The following GALNTL6 variants were observed in gnomAD, a reference collection of about 807,000 sequenced individuals.
GALNTL6 encodes the protein polypeptide N-acetylgalactosaminyltransferase-like 6.
In GALNTL6, 46 loss-of-function variants were observed where a neutral mutation model predicts 73.7. The ratio of observed to expected loss-of-function variants is 0.62; its 90% CI spans 0.49 to 0.80. The LOEUF (loss-of-function observed/expected upper bound fraction) is 0.80. Among genes scored for constraint, GALNTL6 ranks in the 30% least tolerant of loss-of-function variants. The pLI, the probability that GALNTL6 is intolerant of heterozygous loss-of-function variation, is 0.00. For synonymous variants in GALNTL6, 259 were observed against 263.7 expected (o/e 0.98, Z 0.17); for missense variants, 604 against 755.0 (o/e 0.80, Z 2.34).
At chr4:172,287,220 G>A (rs560071663) in intron 3 of GALNTL6, among the ~76,000 whole-genome samples, 2 of 152,300 alleles carry the variant, frequency 1.3e-5, no homozygotes, top group African/African-American at 4.8e-5. Context: ...GAATGGAAGA[G>A]GAATGTATCC....
chr4:172,922,568 C>G (rs763998771), intron 8 of GALNTL6, among the ~76,000 whole-genome samples: 1 of 152,040 alleles, frequency 6.6e-6, no homozygotes, highest in Non-Finnish European at 1.5e-5. Flanking sequence ...AAAAACAACT[C>G]TAAGATTAGA....
rs567555449 is a variant in GALNTL6 at position 172,136,713 on chromosome 4, A to G, written c.139-92943A>G. Among the ~76,000 whole-genome samples, 5 of 151,968 alleles carry G rather than the reference A, an allele frequency of 3.3e-5. No individual in the cohort carries two copies. The South Asian group carries it at 1.0e-3, about 32-fold the overall frequency. On this transcript the variant is annotated intron_variant, in intron 2 of 12. Coordinates refer to ENST00000506823, the MANE Select transcript of GALNTL6 (RefSeq NM_001034845.3). ...AATTATGATCATATAGAATACTTGC[A>G]TATAATTATGCACAGCTCCATATAC...
intron 7 of GALNTL6, among the ~76,000 whole-genome samples, chr4:172,871,759 T>TTTTGTTTGTTTGTTTGTTTGTTTG (rs113501777): frequency 2.0e-5 from 3 of 150,556 alleles, no homozygotes; most frequent in South Asian, 2.1e-4. Context: ...TAGCATAGTT[T>TTTTGTTTGTTTGTTTGTTTGTTTG]TTTGTTTGTT....
intron 2 of GALNTL6, among the ~76,000 whole-genome samples, chr4:171,886,649 C>T (rs539085885): frequency 5.9e-5 from 9 of 152,178 alleles, no homozygotes; most frequent in East Asian, 1.9e-4. Context: ...GTGAAGGACA[C>T]GTGTCATATG....
intron 2 of GALNTL6, among the ~76,000 whole-genome samples, chr4:172,092,249 A>T (rs977534311): frequency 6.6e-6 from 1 of 152,166 alleles, no homozygotes; most frequent in Admixed American, 6.5e-5. Context: ...TCTTACCACA[A>T]TTTTATATAA....
intron 7 of GALNTL6, among the ~76,000 whole-genome samples, chr4:172,831,856 C>T (rs1310030229): frequency 6.6e-6 from 1 of 152,162 alleles, no homozygotes; most frequent in Non-Finnish European, 1.5e-5. Context: ...TGTGAAGACA[C>T]AACAAGACGT....
intron 3 of GALNTL6, among the ~76,000 whole-genome samples, chr4:172,276,515 T>C (rs543018649): frequency 6.6e-6 from 1 of 152,340 alleles, no homozygotes; most frequent in South Asian, 2.1e-4. Flanking sequence ...AACCCTGTAA[T>C]CTTAAAAATT....
intron 7 of GALNTL6, among the ~76,000 whole-genome samples, chr4:172,861,202 G>T (rs562957959): frequency 6.6e-6 from 1 of 152,164 alleles, no homozygotes; most frequent in Non-Finnish European, 1.5e-5. Flanking sequence ...GGTGAGATTT[G>T]AGGATAAGCT....
chr4:172,417,852 C>T (rs1730899333), intron 5 of GALNTL6, among the ~76,000 whole-genome samples: 1 of 152,036 alleles, frequency 6.6e-6, no homozygotes, highest in Non-Finnish European at 1.5e-5. Flanking sequence ...AAAACCACAC[C>T]TATGCATTTG....
At chr4:173,022,058 G>GGAAT (rs1561091608) in intron 12 of GALNTL6, among the ~76,000 whole-genome samples, 1 of 101,194 alleles carries the variant, frequency 9.9e-6, no homozygotes, top group Non-Finnish European at 2.1e-5. Context: ...AAGGAAGGAA[G>GGAAT]GAAGGAAGGA....
intron 7 of GALNTL6, among the ~76,000 whole-genome samples, chr4:172,828,007 C>T (rs1297200635): frequency 6.6e-6 from 1 of 152,002 alleles, no homozygotes; most frequent in African/African-American, 2.4e-5. Context: ...CATGGTGGCT[C>T]ACGCCTGTAA....
At chr4:172,027,214 A>G (rs1741614681) in intron 2 of GALNTL6, among the ~76,000 whole-genome samples, 1 of 152,084 alleles carries the variant, frequency 6.6e-6, no homozygotes, top group Admixed American at 6.6e-5. Context: ...ACTTTCTTGC[A>G]CTTTACAGAT....
intron 2 of GALNTL6, among the ~76,000 whole-genome samples, chr4:172,004,357 T>TA (rs1315244890): frequency 1.3e-5 from 2 of 152,106 alleles, no homozygotes; most frequent in African/African-American, 4.8e-5. Flanking sequence ...TTACTTCCAG[T>TA]AAACAACATC....
intron 2 of GALNTL6, among the ~76,000 whole-genome samples, chr4:172,157,577 T>G (rs754684298): frequency 5.3e-5 from 8 of 152,114 alleles, no homozygotes; most frequent in Non-Finnish European, 1.2e-4. Context: ...TCAATTTACC[T>G]CAAGATACTT....
chr4:172,272,900 A>T (rs1202922606), intron 3 of GALNTL6, among the ~76,000 whole-genome samples: 1 of 152,148 alleles, frequency 6.6e-6, no homozygotes, highest in Non-Finnish European at 1.5e-5. Context: ...GAGGTGAGAG[A>T]AAAGGAAGGA....
At chr4:172,765,890 A>G (rs1738378016) in intron 5 of GALNTL6, among the ~76,000 whole-genome samples, 2 of 152,144 alleles carry the variant, frequency 1.3e-5, no homozygotes, top group East Asian at 3.9e-4. Flanking sequence ...AAGCATATAA[A>G]ATAACCATAT....
intron 2 of GALNTL6, among the ~76,000 whole-genome samples, chr4:171,921,418 G>A (rs1357374048): frequency 6.6e-6 from 1 of 152,028 alleles, no homozygotes; most frequent in Non-Finnish European, 1.5e-5. Context: ...TAGATAGAGG[G>A]ATGGAAGAGA....
At chr4:172,860,653 T>C (rs1482971526) in intron 7 of GALNTL6, among the ~76,000 whole-genome samples, 1 of 152,154 alleles carries the variant, frequency 6.6e-6, no homozygotes, top group Non-Finnish European at 1.5e-5. Context: ...ATAAACTCTA[T>C]CTTACTATAA....
intron 10 of GALNTL6, among the ~76,000 whole-genome samples, chr4:172,963,688 C>G (rs985274243): frequency 1.3e-5 from 2 of 152,230 alleles, no homozygotes; most frequent in African/African-American, 2.4e-5. Flanking sequence ...CAGTCACTCC[C>G]TCCATGGCCA....
Sources: allele counts gnomAD v4.1 joint callset (sites outside exome capture counted in the v4.1 genomes callset), GRCh38; gene constraint gnomAD v4.1.1; transcripts MANE v1.5; gene names NCBI Gene and HGNC (gene_info 2026-07-23, HGNC 2026-07-21).